BAG4: variants seen among roughly 807,000 people sequenced by gnomAD.
BAG4 encodes BAG family molecular chaperone regulator 4.
BAG4 carries 28 observed loss-of-function variants against 52.1 expected under a neutral mutation model. That is an observed-to-expected ratio of 0.54 (90% CI 0.40 to 0.74). BAG4 has a LOEUF of 0.74. BAG4 is among the 30% of genes least tolerant of loss of function. The pLI, the probability that BAG4 is intolerant of heterozygous loss-of-function variation, is 0.00. For synonymous variants in BAG4, 208 were observed against 217.0 expected (o/e 0.96, Z 0.37); for missense variants, 525 against 572.0 (o/e 0.92, Z 0.84).
intron 2 of BAG4, among the ~76,000 whole-genome samples, chr8:38,198,489 T>C (rs1188055024): frequency 6.7e-6 from 1 of 150,138 alleles, no homozygotes; most frequent in African/African-American, 2.5e-5. Context: ...TTTTGTTTGT[T>C]TTTTGTTTTT....
At chr8:38,196,389 C>T (rs533457124) in intron 2 of BAG4, among the ~76,000 whole-genome samples, 89 of 152,208 alleles carry the variant, frequency 5.8e-4, no homozygotes, top group African/African-American at 2.0e-3. Context: ...CGCGGTGGCT[C>T]ACGCCTGTAA....
At chr8:38,194,851 T>TTTTTTTTGTTTG (rs1803537058) in intron 2 of BAG4, among the ~76,000 whole-genome samples, 1 of 149,952 alleles carries the variant, frequency 6.7e-6, no homozygotes, top group Non-Finnish European at 1.5e-5. Flanking sequence ...TTTTTTGTTT[T>TTTTTTTTGTTTG]TTTTTTTTTT....
chr8:38,207,461 T>G, intron 2 of BAG4, 51 bp from the exon 3 acceptor site: 2 of 1,575,682 alleles, frequency 1.3e-6, no homozygotes, highest in Non-Finnish European at 1.7e-6. Context: ...TCAGGGCATT[T>G]CAGCTCTTCT....
intron 2 of BAG4, among the ~76,000 whole-genome samples, chr8:38,197,716 T>C (rs780533136): frequency 6.6e-5 from 10 of 152,238 alleles, no homozygotes; most frequent in Non-Finnish European, 1.3e-4. Context: ...AGTTATTTTT[T>C]TGAGACAGGG....
chr8:38,200,230 C>T (rs914342396), intron 2 of BAG4, among the ~76,000 whole-genome samples: 12 of 151,900 alleles, frequency 7.9e-5, no homozygotes, highest in African/African-American at 2.4e-4. Context: ...TGATCTGGAT[C>T]GCCTGACCTC....
At chr8:38,194,701 A>C (rs1016663608) in intron 2 of BAG4, among the ~76,000 whole-genome samples, 1 of 151,630 alleles carries the variant, frequency 6.6e-6, no homozygotes, top group Non-Finnish European at 1.5e-5. Flanking sequence ...GGCATGAGCC[A>C]CCATGCCTGG....
intron 3 of BAG4, 21 bp from the exon 4 acceptor site, chr8:38,208,992 T>A (rs757718960): frequency 6.2e-7 from 1 of 1,600,554 alleles, no homozygotes; most frequent in South Asian, 1.1e-5. Context: ...ATGACTGGTA[T>A]ATTTCTTCTT....
intron 2 of BAG4, among the ~76,000 whole-genome samples, chr8:38,193,751 T>G (rs542468117): frequency 6.6e-6 from 1 of 150,668 alleles, no homozygotes; most frequent in Non-Finnish European, 1.5e-5. Flanking sequence ...TTTTTTTTTT[T>G]TTTTTTGAGA....
chr8:38,203,179 A>G (rs1300785767), intron 2 of BAG4, among the ~76,000 whole-genome samples: 4 of 152,096 alleles, frequency 2.6e-5, no homozygotes, highest in Non-Finnish European at 4.4e-5. Context: ...GACAAACATC[A>G]TTGGTCACAG....
At chr8:38,194,717 T>TAATAAAAAA (rs1803533710) in intron 2 of BAG4, among the ~76,000 whole-genome samples, 1 of 150,412 alleles carries the variant, frequency 6.6e-6, no homozygotes, top group Non-Finnish European at 1.5e-5. Context: ...CCTGGCCAGG[T>TAATAAAAAA]GTGTACATTT....
chr8:38,177,415 C>G (rs954971077), intron 1 of BAG4, among the ~76,000 whole-genome samples: 2 of 152,248 alleles, frequency 1.3e-5, no homozygotes, highest in African/African-American at 4.8e-5. Context: ...CTGCAGATCT[C>G]TCTCCTGGGA....
Position 38,210,023 on chromosome 8 carries a change from T to C in BAG4, c.904T>C (p.Tyr302His), listed in dbSNP as rs774010873. Residue 302 changes from tyrosine to histidine, a missense_variant, in exon 5 of 5, where the codon TAT (tyrosine) becomes CAT (histidine). Around this residue, in one of 2 missense-constraint regions of BAG4, gnomAD observed 238 missense variants for 305.8 expected, o/e 0.78. Coordinates refer to ENST00000287322, the MANE Select transcript of BAG4 (RefSeq NM_004874.4). ...CCACTCCAAGGATTCTTCATACCCCTATAGCCAATCAGATCAAAGCATGAA... is the reference window on the plus strand; with the variant it reads ...CCACTCCAAGGATTCTTCATACCCCCATAGCCAATCAGATCAAAGCATGAA... ...VQQPKDSSYP[Y>H]SQSDQSMNRH... The C allele has an allele frequency of 7.4e-6, 12 of 1,614,042 alleles. No individual in the cohort carries two copies. The Middle Eastern group carries it at 4.9e-4, about 66-fold the overall frequency.
At chr8:38,181,886 C>CAAAAAAAAA (rs34268146) in intron 1 of BAG4, among the ~76,000 whole-genome samples, 6 of 37,266 alleles carry the variant, frequency 1.6e-4, no homozygotes, top group Non-Finnish European at 2.3e-4. Context: ...GAGACTATCT[C>CAAAAAAAAA]AAAAAAAAAA....
intron 2 of BAG4, among the ~76,000 whole-genome samples, chr8:38,200,254 G>T (rs761140426): frequency 2.0e-5 from 3 of 152,028 alleles, no homozygotes; most frequent in Non-Finnish European, 2.9e-5. Context: ...TGATCCACCT[G>T]CCTCGGCCTC....
At chr8:38,207,790 A>C (rs1453985791) in intron 3 of BAG4, 24 bp downstream of exon 3, 1 of 1,612,088 alleles carries the variant, frequency 6.2e-7, no homozygotes, top group African/African-American at 1.3e-5. Flanking sequence ...TATTGGGAAA[A>C]AAATGAATTC....
chr8:38,201,857 TATATATATATATATATATATA>T (rs1563284018), intron 2 of BAG4: 19 of 11,212 alleles, frequency 1.7e-3, no homozygotes, highest in African/African-American at 4.8e-3. Context: ...TATATATATA[TATATATATATATATATATATA>T]TATTTTTTTT....
At chr8:38,179,487 G>C (rs1055998486) in intron 1 of BAG4, among the ~76,000 whole-genome samples, 1 of 151,888 alleles carries the variant, frequency 6.6e-6, no homozygotes, top group Non-Finnish European at 1.5e-5. Flanking sequence ...GAAAGATCCA[G>C]CTGGGTGTGG....
At position 38,177,120 on chromosome 8, in the gene BAG4, G is replaced by C. The variant is rs773116442; in HGVS notation, c.251G>C (p.Arg84Pro). Reference sequence around the variant, plus strand: ...GGAGGCGCCTGGCCAGAGCCTGGTCGAGCCGGAGGAAGCCACCAGGTAAGC... The same window carrying C: ...GGAGGCGCCTGGCCAGAGCCTGGTCCAGCCGGAGGAAGCCACCAGGTAAGC... ...PSGGAWPEPG[R>P]AGGSHQEQPP... is the part of the protein sequence containing the mutation. Residue 84 changes from arginine to proline, a missense_variant, in exon 1 of 5, where the codon CGA becomes CCA. By Grantham distance (103) the Arg-to-Pro change is moderately radical. This residue lies in a region of BAG4 where 287 missense variants were observed against 266.1 expected (regional missense o/e 1.08). Coordinates refer to ENST00000287322, the MANE Select transcript of BAG4 (RefSeq NM_004874.4). The C allele has an allele frequency of 1.2e-6, 2 of 1,612,880 alleles. No individual in the cohort carries two copies. The highest frequency in any genetic ancestry group is 3.3e-5 in the Admixed American group (2 of 59,962).
At chr8:38,194,683 G>A (rs1455207551) in intron 2 of BAG4, among the ~76,000 whole-genome samples, 1 of 151,448 alleles carries the variant, frequency 6.6e-6, no homozygotes, top group Non-Finnish European at 1.5e-5. Context: ...CAAAGTGCTG[G>A]GATTACAGGC....
Sources: gnomAD v4.1 joint callset for allele counts (sites outside exome capture counted in the v4.1 genomes callset) on GRCh38, gnomAD v4.1.1 for gene constraint, gnomAD v4.1.1 regional missense constraint, MANE v1.5 for transcripts, NCBI Gene and HGNC (gene_info 2026-07-23, HGNC 2026-07-21) for gene names.